Variants in CLDN14 observed in about 807,000 individuals in gnomAD.
The protein encoded by CLDN14 is claudin-14.
CLDN14 carries 2 observed loss-of-function variants against 2.1 expected under a neutral mutation model. The observed-to-expected ratio is 0.96, with a 90% CI of 0.39 to 3.01. The LOEUF is 3.01. Ranked by LOEUF, CLDN14 falls within the 30% of genes most tolerant of loss-of-function variation. CLDN14 has a pLI of 0.09. For missense variants in CLDN14, 298 were observed against 328.0 expected, an observed-to-expected ratio of 0.91 and a Z score of 0.71; for synonymous variants, 136 against 154.4, an observed-to-expected ratio of 0.88 and a Z score of 0.88.
At chr21:36,497,842 G>A (rs1316520939) in intron 2 of CLDN14, among the ~76,000 whole-genome samples, 5 of 152,244 alleles carry the variant, frequency 3.3e-5, no homozygotes, top group Admixed American at 3.3e-4. Flanking sequence ...GTTATTCCGG[G>A]GGGCTGGGTG....
intron 1 of CLDN14, among the ~76,000 whole-genome samples, chr21:36,465,719 G>T (rs2086637812): frequency 6.6e-6 from 1 of 152,252 alleles, no homozygotes; most frequent in South Asian, 2.1e-4. Context: ...ATGCAGGGCT[G>T]AACTGGTGTT....
intron 1 of CLDN14, among the ~76,000 whole-genome samples, chr21:36,475,043 C>T (rs219754): frequency 3.3e-5 from 5 of 151,960 alleles, no homozygotes; most frequent in African/African-American, 7.3e-5. Flanking sequence ...GGAGAATGAC[C>T]GCAGGCCTGG....
rs1468161359 is a variant in CLDN14, at chr21:36,499,594, GA to G, written c.-82+10768del. Among the ~76,000 whole-genome samples the G allele has an allele frequency of 6.6e-6, 1 of 152,166 alleles. No homozygotes were observed. The highest frequency in any genetic ancestry group is 2.4e-5 in the African/African-American group (1 of 41,450). ...GCCCCAACCCAGACCTACCGAATCA[GA>G]ATTTCAGGAGGGGAGGTTAGGAATC... On this transcript the variant is annotated intron_variant, in intron 2 of 2. Coordinates refer to the CLDN14 transcript ENST00000342108. The surrounding 1 kb of genome is among the most constrained non-coding windows in gnomAD (Gnocchi z 4.7).
In CLDN14 at chr21:36,488,273, C is replaced by CCTT. The variant is rs1348624491; in HGVS notation, c.-82+22089_-82+22090insAAG. On this transcript the variant is annotated intron_variant, in intron 2 of 2. Transcript: ENST00000342108. ...TCCTTCCTTCCTTCCTTCCTTCCTT[C>CCTT]CCTCTCTCTTTCTTTTTGAGACAGA... is the stretch of plus-strand genomic sequence containing the variant. Among the ~76,000 whole-genome samples the CCTT allele has an allele frequency of 4.0e-3, 599 of 149,556 alleles. 2 individuals are homozygous for CCTT. The highest frequency in any genetic ancestry group is 0.014 in the African/African-American group (565 of 40,258).
intron 1 of CLDN14, among the ~76,000 whole-genome samples, chr21:36,515,509 C>T (rs2087220419): frequency 6.6e-6 from 1 of 151,660 alleles, no homozygotes; most frequent in Non-Finnish European, 1.5e-5. Context: ...CCTGTCTCTA[C>T]TAAAAATACA....
chr21:36,556,277 C>G (rs901276482), intron 1 of CLDN14, among the ~76,000 whole-genome samples: 3 of 152,186 alleles, frequency 2.0e-5, no homozygotes, highest in Non-Finnish European at 2.9e-5. Flanking sequence ...GGAATGTCTT[C>G]TAATTATAGC....
chr21:36,521,081 G>T (rs1199139514), intron 1 of CLDN14, among the ~76,000 whole-genome samples: 1 of 151,306 alleles, frequency 6.6e-6, no homozygotes, highest in South Asian at 2.1e-4. Context: ...CAGAAAGAAA[G>T]AAAAAAAAAT....
intron 1 of CLDN14, among the ~76,000 whole-genome samples, chr21:36,521,716 C>G (rs1280325188): frequency 6.6e-6 from 1 of 152,132 alleles, no homozygotes; most frequent in Non-Finnish European, 1.5e-5. Flanking sequence ...GGGACATAGA[C>G]TGGAGAAGGC....
At chr21:36,557,974 C>A (rs971747945) in intron 1 of CLDN14, among the ~76,000 whole-genome samples, 6 of 152,134 alleles carry the variant, frequency 3.9e-5, no homozygotes, top group African/African-American at 1.4e-4. Context: ...AGATAATGGT[C>A]CAATTTCATT....
intron 1 of CLDN14, among the ~76,000 whole-genome samples, chr21:36,538,411 C>T (rs747427713): frequency 5.3e-5 from 8 of 152,062 alleles, no homozygotes; most frequent in African/African-American, 9.7e-5. Context: ...GTCAAGAGAT[C>T]GAGACCATCC....
At chr21:36,549,145 G>GT (rs778993757) in intron 1 of CLDN14, among the ~76,000 whole-genome samples, 4,128 of 142,128 alleles carry the variant, frequency 0.029, 175 homozygotes, top group Admixed American at 0.11. Context: ...CATAGCTGGT[G>GT]TTTTTTTTTT....
rs375811545 is a variant in CLDN14 at position 36,480,043 on chromosome 21, A to C, written c.-630T>G. On this transcript the variant is annotated 5_prime_UTR_variant, in exon 1 of 2. Coordinates refer to ENST00000399135, the MANE Select transcript of CLDN14 (RefSeq NM_001146079.2). Reference sequence around the variant, plus strand: ...ACAGCTCATTCCCTCCTGCGCCCTGACCACCTGCCCACAGCGACTGTGTCC... The same window carrying C: ...ACAGCTCATTCCCTCCTGCGCCCTGCCCACCTGCCCACAGCGACTGTGTCC... 6.6e-6 allele frequency: 1 copy of C among 152,310 alleles called. No homozygotes were observed. The highest frequency in any genetic ancestry group is 1.9e-4 in the East Asian group (1 of 5,188). 9.4% of individuals were successfully genotyped at this position (152,310 alleles called of 1,614,324 possible). A position where few individuals can be genotyped will look rare whatever the true frequency, so the allele number is the denominator to read the frequency against.
rs188404131 is a variant in CLDN14 at position 36,463,983 on chromosome 21, A to G, written c.-81-2207T>C. ...CACGGAGTGGACTGAAGGTGTGTCC[A>G]GGTGATAGGGTTTGGATTTGTGTCC... On this transcript the variant is annotated intron_variant, in intron 1 of 1. Transcript: ENST00000399135. 1.1e-4 allele frequency among the ~76,000 whole-genome samples: 17 copies of G among 152,344 alleles called. No individual in the cohort carries two copies. In the East Asian group the frequency reaches 3.3e-3, roughly 29 times the overall value.
rs142041702 is a variant in CLDN14 at position 36,548,361 on chromosome 21, G to A, written c.-220+28050C>T. Reference sequence around the variant, plus strand: ...GCATCTAAGTCCAGTTGGTTTGCCCGTCCCAGAGCTGCATCAGGCCCATAT... The same window carrying A: ...GCATCTAAGTCCAGTTGGTTTGCCCATCCCAGAGCTGCATCAGGCCCATAT... On this transcript the variant is annotated intron_variant, in intron 1 of 2. Coordinates refer to the CLDN14 transcript ENST00000342108. 1.5e-3 allele frequency among the ~76,000 whole-genome samples: 228 copies of A among 152,316 alleles called. 1 individual carries two copies. Among genetic ancestry groups the A allele is most frequent in the Admixed American group, 2.7e-3 (41 of 15,302 alleles).
At chr21:36,520,609 C>T (rs1176202394) in intron 1 of CLDN14, among the ~76,000 whole-genome samples, 1 of 152,168 alleles carries the variant, frequency 6.6e-6, no homozygotes, top group African/African-American at 2.4e-5. Context: ...AACTGTGAGT[C>T]CATTAAACCT....
At chr21:36,558,098 G>A (rs2087611403) in intron 1 of CLDN14, among the ~76,000 whole-genome samples, 1 of 152,172 alleles carries the variant, frequency 6.6e-6, no homozygotes, top group East Asian at 1.9e-4. Flanking sequence ...TTGTATATCT[G>A]TGGGTTTATT....
In CLDN14 at chr21:36,560,068, AT is replaced by A. The variant is rs544496626; in HGVS notation, c.-220+16342del. Among the ~76,000 whole-genome samples, 19 of 152,366 alleles carry A rather than the reference AT, an allele frequency of 1.2e-4. No individual in the cohort carries two copies. The East Asian group carries it at 3.5e-3, about 28-fold the overall frequency. On this transcript the variant is annotated intron_variant, in intron 1 of 2. Coordinates refer to the CLDN14 transcript ENST00000342108. ...CTTAGAAATGTACATAGTGTAGCAA[AT>A]TTTTAAAGTACAACTTTAGTTGATG...
At chr21:36,560,055 CAT>C (rs2087623163) in intron 1 of CLDN14, among the ~76,000 whole-genome samples, 2 of 152,120 alleles carry the variant, frequency 1.3e-5, no homozygotes, top group African/African-American at 4.8e-5. Context: ...TAGAAATGTA[CAT>C]AGTGTAGCAA....
chr21:36,477,544 G>A (rs1407329806), intron 1 of CLDN14: 1 of 152,148 alleles, frequency 6.6e-6, no homozygotes, highest in Non-Finnish European at 1.5e-5. Flanking sequence ...AGCTGTAGAT[G>A]AGCATGTGCA....
Sources: gnomAD v4.1 joint callset for allele counts (sites outside exome capture counted in the v4.1 genomes callset) on GRCh38, gnomAD v4.1.1 for gene constraint, Gnocchi (gnomAD v3.1) non-coding constraint, MANE v1.5 for transcripts, NCBI Gene and HGNC (gene_info 2026-07-23, HGNC 2026-07-21) for gene names.